NELL2: variants seen among roughly 807,000 people sequenced by gnomAD.
NELL2 encodes the protein neural EGFL like 2, also known as protein kinase C-binding protein NELL2.
A neutral mutation model predicts 109.6 loss-of-function variants in NELL2; 41 were observed. The observed-to-expected ratio is 0.37, with a 90% CI of 0.29 to 0.49. NELL2 has a LOEUF of 0.49. Among genes scored for constraint, NELL2 ranks in the 20% least tolerant of loss-of-function variants. The pLI, the probability that NELL2 is intolerant of heterozygous loss-of-function variation, is 0.98. For synonymous variants in NELL2, 355 were observed against 344.7 expected (o/e 1.03, Z -0.33); for missense variants, 900 against 1,008.3 (o/e 0.89, Z 1.45).
chr12:44,762,912 A>C (rs1040029078), intron 9 of NELL2, among the ~76,000 whole-genome samples: 1 of 152,096 alleles, frequency 6.6e-6, no homozygotes, highest in African/African-American at 2.4e-5. Context: ...CACTTATTTC[A>C]CCTTTATTTC....
intron 1 of NELL2, 145 bp from the exon 2 acceptor site, chr12:44,875,498 G>A (rs762910630): frequency 4.3e-6 from 7 of 1,613,946 alleles, no homozygotes; most frequent in Non-Finnish European, 5.1e-6. Flanking sequence ...CCTCCGCCGA[G>A]AGCCTTACCT....
intron 9 of NELL2, among the ~76,000 whole-genome samples, chr12:44,747,148 G>A (rs1055288738): frequency 1.3e-5 from 2 of 152,048 alleles, no homozygotes; most frequent in African/African-American, 4.8e-5. Context: ...TGTCCTTTGT[G>A]GGGACATGGA....
intron 15 of NELL2, among the ~76,000 whole-genome samples, chr12:44,560,500 C>T (rs779689026): frequency 6.6e-6 from 1 of 152,054 alleles, no homozygotes; most frequent in African/African-American, 2.4e-5. Context: ...AAGGTGATAT[C>T]ACCACTGATC....
chr12:44,753,266 T>C (rs1249590254), intron 9 of NELL2, among the ~76,000 whole-genome samples: 1 of 152,126 alleles, frequency 6.6e-6, no homozygotes, highest in Non-Finnish European at 1.5e-5. Context: ...CTACTCTCCA[T>C]CCACCCTCAG....
chr12:44,747,988 G>C (rs1361405558), intron 9 of NELL2, among the ~76,000 whole-genome samples: 1 of 152,146 alleles, frequency 6.6e-6, no homozygotes, highest in Non-Finnish European at 1.5e-5. Context: ...TTGCATCAGA[G>C]TCCAGGCTTT....
At chr12:44,743,633 A>G (rs1458618867) in intron 9 of NELL2, among the ~76,000 whole-genome samples, 4 of 152,242 alleles carry the variant, frequency 2.6e-5, no homozygotes, top group Admixed American at 2.6e-4. Flanking sequence ...AAATAAAAAA[A>G]GGCAGAGGTT....
chr12:44,887,671 T>C (rs1228063173), intron 1 of NELL2, among the ~76,000 whole-genome samples: 1 of 151,280 alleles, frequency 6.6e-6, no homozygotes, highest in East Asian at 1.9e-4. Flanking sequence ...GTTGTTGTTG[T>C]TGTTTTTGTT....
chr12:44,608,905 CAT>C (rs1047976713), intron 14 of NELL2, among the ~76,000 whole-genome samples: 8 of 148,940 alleles, frequency 5.4e-5, no homozygotes, highest in African/African-American at 7.4e-5. Flanking sequence ...TATATATATA[CAT>C]ATATATATGT....
chr12:44,654,125 C>A (rs1306970137), intron 13 of NELL2, among the ~76,000 whole-genome samples: 1 of 152,184 alleles, frequency 6.6e-6, no homozygotes, highest in East Asian at 1.9e-4. Flanking sequence ...GCTCTCTGCA[C>A]ATTTTTTGGC....
intron 2 of NELL2, among the ~76,000 whole-genome samples, chr12:44,854,301 A>G (rs1339328574): frequency 6.6e-6 from 1 of 152,186 alleles, no homozygotes; most frequent in Non-Finnish European, 1.5e-5. Flanking sequence ...TACTATTAAG[A>G]ATACATATTT....
chr12:44,693,278 T>C (rs934921622), intron 12 of NELL2, among the ~76,000 whole-genome samples: 1 of 152,310 alleles, frequency 6.6e-6, no homozygotes, highest in Non-Finnish European at 1.5e-5. Flanking sequence ...AAAATATGTT[T>C]AAATTAAGAT....
At chr12:44,677,333 T>C (rs917781484) in intron 12 of NELL2, among the ~76,000 whole-genome samples, 3 of 152,096 alleles carry the variant, frequency 2.0e-5, no homozygotes, top group Non-Finnish European at 4.4e-5. Context: ...CTAAAACATG[T>C]CATATATACA....
chr12:44,820,625 AAAAG>A (rs1335298990), intron 2 of NELL2, among the ~76,000 whole-genome samples: 1 of 151,192 alleles, frequency 6.6e-6, no homozygotes, highest in Non-Finnish European at 1.5e-5. Context: ...AAAAAAAAGA[AAAAG>A]AAAGTAGAAC....
At chr12:44,778,832 C>T (rs534501278) in intron 5 of NELL2, among the ~76,000 whole-genome samples, 2 of 152,318 alleles carry the variant, frequency 1.3e-5, no homozygotes, top group African/African-American at 4.8e-5. Flanking sequence ...TATCTGGTTT[C>T]CTGGTAACAG....
chr12:44,747,965 A>C (rs1940469444), intron 9 of NELL2, among the ~76,000 whole-genome samples: 1 of 152,168 alleles, frequency 6.6e-6, no homozygotes, highest in South Asian at 2.1e-4. Flanking sequence ...GAAAGATTCG[A>C]AGGCAAGTGG....
intron 17 of NELL2, chr12:44,522,980 CATA>C: frequency 3.2e-6 from 1 of 309,122 alleles, no homozygotes; most frequent in Non-Finnish European, 6.1e-6. Context: ...ATCTCAAAAA[CATA>C]ATGTTGAGAG....
chr12:44,800,052 T>C (rs1942776995), intron 3 of NELL2, among the ~76,000 whole-genome samples: 1 of 152,094 alleles, frequency 6.6e-6, no homozygotes, highest in South Asian at 2.1e-4. Context: ...TGAAAAGATA[T>C]AGAAATATAC....
chr12:44,656,401 G>A (rs1277539165), intron 13 of NELL2, among the ~76,000 whole-genome samples: 1 of 152,128 alleles, frequency 6.6e-6, no homozygotes, highest in Non-Finnish European at 1.5e-5. Context: ...CTCCAACACA[G>A]CTATCTCATG....
intron 2 of NELL2, among the ~76,000 whole-genome samples, chr12:44,870,037 A>G (rs982103536): frequency 2.0e-5 from 3 of 152,154 alleles, no homozygotes; most frequent in African/African-American, 7.2e-5. Flanking sequence ...CTTTCCACAT[A>G]ACCACAGGGT....
Sources: allele counts gnomAD v4.1 joint callset (sites outside exome capture counted in the v4.1 genomes callset), GRCh38; gene constraint gnomAD v4.1.1; transcripts MANE v1.5; gene names NCBI Gene and HGNC (gene_info 2026-07-23, HGNC 2026-07-21).